The following C6orf132 variants were observed in gnomAD, a reference collection of about 807,000 sequenced individuals.
C6orf132 encodes uncharacterized protein C6orf132.
A neutral mutation model predicts 65.3 loss-of-function variants in C6orf132; 43 were observed. The ratio of observed to expected loss-of-function variants is 0.66; its 90% CI spans 0.52 to 0.85. C6orf132 has a LOEUF of 0.85. C6orf132 is among the 40% of genes least tolerant of loss of function. The pLI is 0.00. For synonymous variants in C6orf132, 631 were observed against 654.1 expected, an observed-to-expected ratio of 0.96 and a Z score of 0.54; for missense variants, 1,488 against 1,548.8, an observed-to-expected ratio of 0.96 and a Z score of 0.66.
chr6:42,137,924 A>G (rs1250150043), intron 1 of C6orf132, among the ~76,000 whole-genome samples: 3 of 152,076 alleles, frequency 2.0e-5, no homozygotes, highest in Non-Finnish European at 4.4e-5. Context: ...AAAATACAAA[A>G]ATAGCCATGT....
chr6:42,123,541 A>G (rs958749680), intron 2 of C6orf132, among the ~76,000 whole-genome samples: 6 of 151,180 alleles, frequency 4.0e-5, no homozygotes, highest in Non-Finnish European at 4.4e-5. Context: ...GGAGGAGGAG[A>G]AGGAGAGGAA....
At position 42,106,896 on chromosome 6, in the gene C6orf132, G is replaced by A; in HGVS notation, c.1016C>T (p.Pro339Leu). ...GCGGATGTGGAAGCTGGGAGGCAGTGGGAGTCGGCTGGGAGCCTTCTTGGT... is the reference window on the plus strand; with the variant it reads ...GCGGATGTGGAAGCTGGGAGGCAGTAGGAGTCGGCTGGGAGCCTTCTTGGT... ...GATKKAPSRL[P>L]LPPSFHIRPA... Residue 339 changes from proline (P) to leucine (L), a missense_variant, in exon 4 of 5, where the codon CCA (proline) becomes CTA (leucine). Pro to Leu is a moderately conservative substitution (Grantham distance 98). Transcript: ENST00000341865. 6.5e-7 allele frequency: 1 copy of A among 1,536,036 alleles called. No homozygotes were observed. Among genetic ancestry groups the A allele is most frequent in the African/African-American group, 1.4e-5 (1 of 73,050 alleles).
At chr6:42,134,045 G>A (rs1379533061) in intron 1 of C6orf132, among the ~76,000 whole-genome samples, 3 of 152,164 alleles carry the variant, frequency 2.0e-5, no homozygotes, top group Non-Finnish European at 4.4e-5. Context: ...CCAGAGGGCA[G>A]CAGAGTTGTG....
In C6orf132 at chr6:42,107,056, T is replaced by C; in HGVS notation, c.856A>G (p.Ser286Gly). ...PPRSPAEPKG[S>G]ALGPNPEPHL... Reference sequence around the variant, plus strand: ...GGCTCTGGGTTAGGTCCCAGGGCGCTCCCCTTTGGCTCAGCAGGGCTTCTC... The same window carrying C: ...GGCTCTGGGTTAGGTCCCAGGGCGCCCCCCTTTGGCTCAGCAGGGCTTCTC... Residue 286 changes from serine to glycine, a missense_variant, in exon 4 of 5, where the codon AGC becomes GGC. By Grantham distance (56) the Ser-to-Gly change is moderately conservative. Coordinates refer to ENST00000341865, the MANE Select transcript of C6orf132 (RefSeq NM_001164446.3). The C allele has an allele frequency of 1.3e-6, 2 of 1,496,154 alleles. No homozygotes were observed. The highest frequency in any genetic ancestry group is 1.8e-6 in the Non-Finnish European group (2 of 1,124,012). 92.7% of individuals were successfully genotyped at this position (1,496,154 alleles called of 1,614,324 possible). A position where few individuals can be genotyped will look rare whatever the true frequency, so the allele number is the denominator to read the frequency against.
At chr6:42,132,164 A>G (rs904910796) in intron 1 of C6orf132, among the ~76,000 whole-genome samples, 2 of 152,200 alleles carry the variant, frequency 1.3e-5, no homozygotes, top group Non-Finnish European at 2.9e-5. Flanking sequence ...TTGAGCCCAC[A>G]GAGACCTGTG....
intron 1 of C6orf132, 78 bp from the exon 2 acceptor site, chr6:42,128,856 G>T (rs1246339600): frequency 1.9e-6 from 2 of 1,061,648 alleles, no homozygotes; most frequent in Non-Finnish European, 2.8e-6. Flanking sequence ...CTGCCCTTCA[G>T]CTCCCAGTGA....
chr6:42,139,592 T>C (rs1767002483), intron 1 of C6orf132, among the ~76,000 whole-genome samples: 1 of 152,256 alleles, frequency 6.6e-6, no homozygotes, highest in East Asian at 1.9e-4. Context: ...GCCAGGACTG[T>C]AGTTTGCCAA....
intron 1 of C6orf132, among the ~76,000 whole-genome samples, chr6:42,134,958 G>A (rs550991138): frequency 2.6e-5 from 4 of 152,102 alleles, no homozygotes; most frequent in East Asian, 1.9e-4. Context: ...CTGAGATTGC[G>A]CCACTGCACT....
rs751464040 is a variant in C6orf132 at position 42,105,923 on chromosome 6, G to A, written c.1989C>T (p.Pro663=). The A allele has an allele frequency of 2.0e-6, 3 of 1,537,002 alleles. No individual in the cohort carries two copies. The highest frequency in any genetic ancestry group is 2.6e-6 in the Non-Finnish European group (3 of 1,146,898). The change falls in exon 4 of 5, where the codon CCC becomes CCT. Residue 663 remains proline (P), a synonymous_variant. Coordinates refer to ENST00000341865, the MANE Select transcript of C6orf132 (RefSeq NM_001164446.3). The part of the protein sequence containing the change: ...PKATLWPATP[P]KATLGPATPL... ...GTGTGGCTGGCCCAAGTGTGGCCTT[G>A]GGTGGTGTGGCTGGCCAAAGTGTAG...
At chr6:42,117,657 C>A (rs2127475803) in intron 2 of C6orf132, among the ~76,000 whole-genome samples, 1 of 152,172 alleles carries the variant, frequency 6.6e-6, no homozygotes. Flanking sequence ...CATGGTGGCT[C>A]ACGCCTGTAA....
intron 3 of C6orf132, among the ~76,000 whole-genome samples, chr6:42,109,264 C>T (rs994260159): frequency 1.3e-5 from 2 of 151,980 alleles, no homozygotes; most frequent in Non-Finnish European, 2.9e-5. Context: ...GAAACACTGT[C>T]TCTACTAAAA....
At position 42,142,558 on chromosome 6, in the gene C6orf132, G is replaced by A. The variant is rs952827618; in HGVS notation, c.-114C>T. ...GGGACTCTACCAGGCCATGTCCCCC[G>A]CCGTCCTCCCCGCCCGCGCACCGGG... is the stretch of plus-strand genomic sequence containing the variant. On this transcript the variant is annotated 5_prime_UTR_variant, in exon 1 of 5. Transcript: ENST00000341865. 6.3e-6 allele frequency: 6 copies of A among 945,500 alleles called. No individual in the cohort carries two copies. Among genetic ancestry groups the A allele is most frequent in the South Asian group, 2.5e-5 (1 of 39,392 alleles). 58.6% of individuals were successfully genotyped at this position (945,500 alleles called of 1,614,324 possible). A position where few individuals can be genotyped will look rare whatever the true frequency, so the allele number is the denominator to read the frequency against.
chr6:42,138,332 C>T (rs1766982375), intron 1 of C6orf132, among the ~76,000 whole-genome samples: 1 of 152,178 alleles, frequency 6.6e-6, no homozygotes, highest in African/African-American at 2.4e-5. Flanking sequence ...CGCTCTGCCA[C>T]CAAGGCTGGA....
chr6:42,120,662 C>G (rs895524151), intron 2 of C6orf132, among the ~76,000 whole-genome samples: 1 of 152,086 alleles, frequency 6.6e-6, no homozygotes, highest in African/African-American at 2.4e-5. Flanking sequence ...GAGTCTCGCT[C>G]TGTCACCCAG....
chr6:42,141,329 C>T (rs1367346177), intron 1 of C6orf132, among the ~76,000 whole-genome samples: 1 of 152,186 alleles, frequency 6.6e-6, no homozygotes, highest in East Asian at 1.9e-4. Flanking sequence ...GGCAGGCAAG[C>T]TAAAGCAGTG....
rs79315131 is a variant in C6orf132 at position 42,129,092 on chromosome 6, G to A, written c.146-314C>T. On this transcript the variant is annotated intron_variant, in intron 1 of 4. Coordinates refer to ENST00000341865, the MANE Select transcript of C6orf132 (RefSeq NM_001164446.3). ...TTCTCTCCCACAGCAATGGTCCCTC[G>A]TTTTTGGAGCCCAGGAAGCCCGGCT... Among the ~76,000 whole-genome samples the A allele has an allele frequency of 6.6e-3, 999 of 152,326 alleles. 11 individuals are homozygous for A. Among genetic ancestry groups the A allele is most frequent in the African/African-American group, 0.021 (890 of 41,580 alleles).
Position 42,105,728 on chromosome 6 carries a change from G to T in C6orf132, c.2184C>A (p.Pro728=), listed in dbSNP as rs957607413. The change falls in exon 4 of 5, where the codon CCC becomes CCA. Residue 728 remains proline, a synonymous_variant. Transcript: ENST00000341865. ...EKPASQEVST[P]SQARGEGSPS... ...GGGACCCCTCTCCCCTTGCCTGGGA[G>T]GGAGTGGAAACTTCTTGAGATGCTG... The T allele has an allele frequency of 4.6e-6, 7 of 1,537,218 alleles. No homozygotes were observed. The Admixed American group carries it at 5.9e-5, about 13-fold the overall frequency.
intron 3 of C6orf132, among the ~76,000 whole-genome samples, chr6:42,109,539 G>T (rs149544542): frequency 6.6e-6 from 1 of 152,118 alleles, no homozygotes; most frequent in Non-Finnish European, 1.5e-5. Context: ...CAGATGCCTC[G>T]CAGAAGAGCA....
intron 2 of C6orf132, among the ~76,000 whole-genome samples, chr6:42,119,140 G>A (rs1190579842): frequency 6.8e-6 from 1 of 147,330 alleles, no homozygotes; most frequent in Non-Finnish European, 1.5e-5. Context: ...CTACTCGGGA[G>A]GCTGAGGCAG....
Sources: allele counts gnomAD v4.1 joint callset (sites outside exome capture counted in the v4.1 genomes callset), GRCh38; gene constraint gnomAD v4.1.1; transcripts MANE v1.5; gene names NCBI Gene and HGNC (gene_info 2026-07-23, HGNC 2026-07-21).